Variants in CENPE observed in about 807,000 individuals in gnomAD.
CENPE encodes centromere-associated protein E.
In CENPE, 145 loss-of-function variants were observed where a neutral mutation model predicts 336.1. The observed-to-expected ratio is 0.43, with a 90% CI of 0.38 to 0.50. The LOEUF (loss-of-function observed/expected upper bound fraction) is 0.50, where lower values mean the gene tolerates loss of function less well. Among genes scored for constraint, CENPE ranks in the 20% least tolerant of loss-of-function variants. CENPE has a pLI of 0.00. For missense variants in CENPE, 2,719 were observed against 3,023.3 expected (o/e 0.90, Z 2.36); for synonymous variants, 1,013 against 984.8 (o/e 1.03, Z -0.54).
Position 103,142,991 on chromosome 4 carries a change from G to A in CENPE, c.5304+257C>T, listed in dbSNP as rs183123979. Among the ~76,000 whole-genome samples, 434 of 125,000 alleles carry A rather than the reference G, an allele frequency of 3.5e-3. 2 individuals carry two copies. Among genetic ancestry groups the A allele is most frequent in the African/African-American group, 0.013 (413 of 32,518 alleles). 82.0% of individuals were successfully genotyped at this position (125,000 alleles called of 152,430 possible). On this transcript the variant is annotated intron_variant, in intron 34 of 48. Transcript: ENST00000265148. Reference sequence around the variant, plus strand: ...GCCGTTGCACTCCAGGCGACAGAGCGAGACTCTGTCTCAAAAAAAAAAAAA... The same window carrying A: ...GCCGTTGCACTCCAGGCGACAGAGCAAGACTCTGTCTCAAAAAAAAAAAAA...
intron 25 of CENPE, among the ~76,000 whole-genome samples, chr4:103,152,398 C>T (rs1473792661): frequency 2.0e-5 from 3 of 152,118 alleles, no homozygotes; most frequent in Admixed American, 2.0e-4. Flanking sequence ...GTTTGAGCCA[C>T]CAGAATTCTC....
chr4:103,149,649 G>A (rs1753375931), intron 26 of CENPE, among the ~76,000 whole-genome samples: 1 of 152,176 alleles, frequency 6.6e-6, no homozygotes, highest in South Asian at 2.1e-4. Context: ...GATGTAATTG[G>A]ATTAGGATTG....
rs1752592874 is a variant in CENPE, at chr4:103,141,868, T to C, written c.5345A>G (p.His1782Arg). The change falls in exon 35 of 49, where the codon CAT becomes CGT. Residue 1782 changes from histidine (H) to arginine (R), a missense_variant. Transcript: ENST00000265148. ...IQEELRIAHM[H>R]LKEQQETIDK... ...AATAGTTTCCTGCTGCTCTTTCAGATGCATGTGAGCAATTCTTAGTTCCTC... is the reference window on the plus strand; with the variant it reads ...AATAGTTTCCTGCTGCTCTTTCAGACGCATGTGAGCAATTCTTAGTTCCTC... 6.2e-7 allele frequency: 1 copy of C among 1,606,308 alleles called. No homozygotes were observed. Among genetic ancestry groups the C allele is most frequent in the African/African-American group, 1.3e-5 (1 of 74,652 alleles).
At chr4:103,153,549 A>T (rs565701532) in intron 24 of CENPE, among the ~76,000 whole-genome samples, 17 of 152,330 alleles carry the variant, frequency 1.1e-4, no homozygotes, top group Non-Finnish European at 4.4e-5. Flanking sequence ...CACTAATCAG[A>T]ACAATATGGA....
intron 43 of CENPE, among the ~76,000 whole-genome samples, chr4:103,121,388 A>G (rs1469848028): frequency 6.6e-6 from 1 of 152,042 alleles, no homozygotes; most frequent in Non-Finnish European, 1.5e-5. Flanking sequence ...TCACATGTAC[A>G]CACTCTTTTT....
rs1749353276 is a variant in CENPE, at chr4:103,110,892, T to C, written c.7660A>G (p.Lys2554Glu). The C allele has an allele frequency of 1.2e-6, 2 of 1,608,590 alleles. No individual in the cohort carries two copies. The highest frequency in any genetic ancestry group is 1.7e-5 in the Admixed American group (1 of 58,748). Reference protein sequence around the residue: ...ILKSEHIRLEKEISKLKQQNE... With the variant: ...ILKSEHIRLEEEISKLKQQNE... ...TGCTGCTTTAACTTAGAAATTTCTTTTTCTAGCCTTATATGTTCACTTTTC... is the reference window on the plus strand; with the variant it reads ...TGCTGCTTTAACTTAGAAATTTCTTCTTCTAGCCTTATATGTTCACTTTTC... Residue 2554 changes from lysine to glutamate, a missense_variant, in exon 47 of 49, where the codon AAA becomes GAA. By Grantham distance (56) the Lys-to-Glu change is moderately conservative. This residue lies in a region of CENPE where 2,437 missense variants were observed against 2,513.3 expected (regional missense o/e 0.97). Coordinates refer to ENST00000265148, the MANE Select transcript of CENPE (RefSeq NM_001813.3).
rs1282913962 is a variant in CENPE at position 103,181,592 on chromosome 4, A to G, written c.964-136T>C. The G allele has an allele frequency of 1.4e-5, 9 of 643,678 alleles. No individual in the cohort carries two copies. In the African/African-American group the frequency reaches 1.7e-4, roughly 13 times the overall value. 39.9% of individuals were successfully genotyped at this position (643,678 alleles called of 1,614,324 possible). On this transcript the variant is annotated intron_variant, in intron 11 of 48. Transcript: ENST00000265148. The stretch of plus-strand genomic sequence containing the variant: ...TAGTTGGCTTAATACTTTTGAACAA[A>G]GGGAACATTCTATGTCCTTATAACA...
chr4:103,159,312 A>G lies in CENPE; in HGVS notation c.2299T>C (p.Ser767Pro). The G allele has an allele frequency of 1.3e-6, 2 of 1,491,500 alleles. No individual in the cohort carries two copies. Among genetic ancestry groups the G allele is most frequent in the Non-Finnish European group, 1.8e-6 (2 of 1,118,480 alleles). 92.4% of individuals were successfully genotyped at this position (1,491,500 alleles called of 1,614,324 possible). A position where few individuals can be genotyped will look rare whatever the true frequency, so the allele number is the denominator to read the frequency against. Residue 767 changes from serine (S) to proline (P), a missense_variant, in exon 22 of 49, where the codon TCT becomes CCT. Coordinates refer to ENST00000265148, the MANE Select transcript of CENPE (RefSeq NM_001813.3). ...ERLRKEIQDKSEELHIITSEK... is the reference protein window; with the variant it reads ...ERLRKEIQDKPEELHIITSEK... ...GATGTTATTATATGGAGCTCTTCAG[A>G]TTTGTCTTGTATCTATGGAAAAGAA...
At chr4:103,111,199 T>G (rs186836844) in intron 46 of CENPE, among the ~76,000 whole-genome samples, 188 bp from the exon 47 acceptor site, 1 of 152,280 alleles carries the variant, frequency 6.6e-6, no homozygotes, top group East Asian at 1.9e-4. Flanking sequence ...AACCATTAAT[T>G]CTATGCCTCT....
chr4:103,112,527 T>C (rs1749561855), intron 46 of CENPE, among the ~76,000 whole-genome samples: 2 of 143,576 alleles, frequency 1.4e-5, no homozygotes, highest in African/African-American at 5.0e-5. Context: ...CATATACATA[T>C]ACATATATAC....
Position 103,163,523 on chromosome 4 carries a change from T to C in CENPE, c.1678A>G (p.Lys560Glu), listed in dbSNP as rs756398766. ...ACTTCTGCATGCTTAACTAAATTCT[T>C]TAAGTTCGAAATTTCATGAATTAGT... ...MQLIHEISNL[K>E]NLVKHAEVYN... The change falls in exon 17 of 49, where the codon AAG becomes GAG. Residue 560 changes from lysine (K) to glutamate (E), a missense_variant. Lys to Glu is a moderately conservative substitution (Grantham distance 56). Around this residue, in one of 5 missense-constraint regions of CENPE, gnomAD observed 2,437 missense variants for 2,513.3 expected, o/e 0.97. Coordinates refer to ENST00000265148, the MANE Select transcript of CENPE (RefSeq NM_001813.3). 5 of 1,594,890 alleles carry C rather than the reference T, an allele frequency of 3.1e-6. No individual in the cohort carries two copies. In the East Asian group the frequency reaches 9.1e-5, roughly 29 times the overall value.
At chr4:103,117,539 C>T (rs537485888) in intron 44 of CENPE, among the ~76,000 whole-genome samples, 98 of 150,554 alleles carry the variant, frequency 6.5e-4, no homozygotes, top group Non-Finnish European at 1.1e-3. Context: ...ATGTCATATA[C>T]TTGAAATCAT....
At chr4:103,180,963 GA>G (rs1259002692) in intron 12 of CENPE, among the ~76,000 whole-genome samples, 1 of 152,284 alleles carries the variant, frequency 6.6e-6, no homozygotes, top group East Asian at 1.9e-4. Flanking sequence ...CTAAGGGTTA[GA>G]AGAGGAATTC....
rs1754173418 is a variant in CENPE at position 103,158,775 on chromosome 4, T to A, written c.2713A>T (p.Thr905Ser). 8 of 1,613,164 alleles carry A rather than the reference T, an allele frequency of 5.0e-6. No homozygotes were observed. The African/African-American group carries it at 1.1e-4, about 22-fold the overall frequency. The stretch of plus-strand genomic sequence containing the variant: ...ATCAGTGTTTTCTCCCTTTCTACAG[T>A]TTGCAGCGTAGAATCTCTATTTTCT... ...QLENRDSTLQ[T>S]VEREKTLITE... Residue 905 changes from threonine to serine, a missense_variant, in exon 23 of 49, where the codon ACT (threonine) becomes TCT (serine). Thr to Ser is a moderately conservative substitution (Grantham distance 58, BLOSUM62 1). Coordinates refer to ENST00000265148, the MANE Select transcript of CENPE (RefSeq NM_001813.3).
chr4:103,171,939 G>C (rs1373661277), intron 16 of CENPE, among the ~76,000 whole-genome samples: 1 of 151,202 alleles, frequency 6.6e-6, no homozygotes, highest in Non-Finnish European at 1.5e-5. Context: ...AACCTGAACA[G>C]GCCAGTAATG....
intron 20 of CENPE, 70 bp from the exon 21 acceptor site, chr4:103,160,849 T>A: frequency 7.6e-7 from 1 of 1,313,560 alleles, no homozygotes; most frequent in Non-Finnish European, 1.0e-6. Context: ...TTAATTGTCC[T>A]TGAATCACCT....
chr4:103,164,795 AAC>A (rs1346691369), intron 16 of CENPE, among the ~76,000 whole-genome samples: 6 of 152,118 alleles, frequency 3.9e-5, no homozygotes, highest in South Asian at 2.1e-4. Flanking sequence ...CCCACTGTAG[AAC>A]ACAGTCTTAG....
intron 42 of CENPE, among the ~76,000 whole-genome samples, chr4:103,129,042 C>T (rs1044022721): frequency 2.0e-5 from 3 of 151,914 alleles, no homozygotes; most frequent in African/African-American, 7.3e-5. Flanking sequence ...ACTATAGAGC[C>T]CATGGACATT....
chr4:103,188,454 A>G (rs1185891992), intron 8 of CENPE, among the ~76,000 whole-genome samples: 2 of 152,252 alleles, frequency 1.3e-5, no homozygotes, highest in South Asian at 2.1e-4. Flanking sequence ...CTCAGACCAC[A>G]GTGCAATCAA....
Sources: gnomAD v4.1 joint callset for allele counts (sites outside exome capture counted in the v4.1 genomes callset) on GRCh38, gnomAD v4.1.1 for gene constraint, gnomAD v4.1.1 regional missense constraint, MANE v1.5 for transcripts, NCBI Gene and HGNC (gene_info 2026-07-23, HGNC 2026-07-21) for gene names.